GUCY1A2: variants seen among roughly 807,000 people sequenced by gnomAD.
The protein encoded by GUCY1A2 is guanylate cyclase soluble subunit alpha-2.
A neutral mutation model predicts 63.5 loss-of-function variants in GUCY1A2; 27 were observed. That is an observed-to-expected ratio of 0.43 (90% CI 0.31 to 0.59). The LOEUF is 0.59. Ranked by LOEUF, GUCY1A2 falls within the 20% of genes least tolerant of loss-of-function variation. GUCY1A2 has a pLI of 0.11. For missense variants in GUCY1A2, 768 were observed against 913.3 expected (o/e 0.84, Z 2.05); for synonymous variants, 364 against 343.5 (o/e 1.06, Z -0.66).
intron 6 of GUCY1A2, among the ~76,000 whole-genome samples, chr11:106,740,991 G>A (rs2135378764): frequency 6.6e-6 from 1 of 152,202 alleles, no homozygotes; most frequent in East Asian, 1.9e-4. Flanking sequence ...TGATATTATA[G>A]TTAGTCTAGC....
chr11:106,977,259 A>G (rs1347832480), intron 3 of GUCY1A2, among the ~76,000 whole-genome samples: 3 of 152,126 alleles, frequency 2.0e-5, no homozygotes, highest in Non-Finnish European at 4.4e-5. Flanking sequence ...CTGAAAGGAG[A>G]GTCCTTGAAA....
At chr11:106,906,189 A>G (rs1047106241) in intron 4 of GUCY1A2, among the ~76,000 whole-genome samples, 3 of 152,186 alleles carry the variant, frequency 2.0e-5, no homozygotes, top group African/African-American at 7.2e-5. Flanking sequence ...TTTGCAATCT[A>G]TCCATCTGAC....
intron 6 of GUCY1A2, among the ~76,000 whole-genome samples, chr11:106,768,193 G>T (rs1864195778): frequency 6.6e-6 from 1 of 152,078 alleles, no homozygotes; most frequent in Non-Finnish European, 1.5e-5. Context: ...ATGCTGTCCA[G>T]CACAGGCTGG....
intron 6 of GUCY1A2, among the ~76,000 whole-genome samples, chr11:106,741,652 A>G (rs1267825817): frequency 6.6e-6 from 1 of 152,216 alleles, no homozygotes; most frequent in Admixed American, 6.5e-5. Context: ...ATCCTGGAGA[A>G]AGCAAACGTA....
intron 6 of GUCY1A2, among the ~76,000 whole-genome samples, chr11:106,711,832 T>TTTTTA (rs1205414758): frequency 1.3e-5 from 2 of 152,156 alleles, no homozygotes; most frequent in Non-Finnish European, 2.9e-5. Context: ...TTTAAAGAGT[T>TTTTTA]TTTTACCCCC....
At position 106,682,148 on chromosome 11, in the gene GUCY1A2, G is replaced by A. The variant is rs550598419; in HGVS notation, c.*5401C>T. 9.5e-5 allele frequency: 20 copies of A among 210,484 alleles called. No individual in the cohort carries two copies. The highest frequency in any genetic ancestry group is 1.5e-3 in the Middle Eastern group (1 of 670). The allele number at this position is 210,484 out of a possible 1,614,324, so 13.0% of individuals were successfully genotyped here. ...AGTGTTGACGTCTGTCTCTAAGTTTGAAGATTCATGCTCAGAAAGAAGACC... is the reference window on the plus strand; with the variant it reads ...AGTGTTGACGTCTGTCTCTAAGTTTAAAGATTCATGCTCAGAAAGAAGACC... On this transcript the variant is annotated 3_prime_UTR_variant, in exon 8 of 8. Transcript: ENST00000526355.
chr11:106,674,737 A>T lies in GUCY1A2; in HGVS notation c.*12812T>A. The T allele has an allele frequency of 4.9e-6, 1 of 204,182 alleles. No individual in the cohort carries two copies. The highest frequency in any genetic ancestry group is 1.7e-3 in the Middle Eastern group (1 of 600). The allele number at this position is 204,182 out of a possible 1,614,324, so 12.6% of individuals were successfully genotyped here. A position where few individuals can be genotyped will look rare whatever the true frequency, so the allele number is the denominator to read the frequency against. ...CTAATAACAAAGGAGCAGATATACA[A>T]TATGATTTACATTGCAAACCAAACC... On this transcript the variant is annotated 3_prime_UTR_variant, in exon 8 of 8. Transcript: ENST00000526355.
At position 106,939,443 on chromosome 11, in the gene GUCY1A2, A is replaced by G. The variant is rs750146648; in HGVS notation, c.1206+17T>C. On this transcript the variant is annotated intron_variant, in intron 4 of 7. Coordinates refer to ENST00000526355, the MANE Select transcript of GUCY1A2 (RefSeq NM_000855.3). ...CTCTTCTAGTTCCCATCACCATCTC[A>G]AGTCCATAGCACTTACCTTGTCTTT... 7.8e-7 allele frequency: 1 copy of G among 1,280,648 alleles called. No individual in the cohort carries two copies. Among genetic ancestry groups the G allele is most frequent in the East Asian group, 2.3e-5 (1 of 42,874 alleles). 79.3% of individuals were successfully genotyped at this position (1,280,648 alleles called of 1,614,324 possible).
intron 7 of GUCY1A2, among the ~76,000 whole-genome samples, chr11:106,691,894 T>C (rs1216495414): frequency 4.6e-5 from 7 of 152,180 alleles, no homozygotes; most frequent in Admixed American, 4.6e-4. Context: ...ATAAGAACAC[T>C]GAAGTGCAAT....
At chr11:106,707,856 C>G (rs1591239116) in intron 7 of GUCY1A2, among the ~76,000 whole-genome samples, 1 of 152,004 alleles carries the variant, frequency 6.6e-6, no homozygotes, top group African/African-American at 2.4e-5. Context: ...TACTCTGTAC[C>G]TGGTATAGCA....
In GUCY1A2 at chr11:106,674,484, AAATAT is replaced by A. The variant is rs1309782105; in HGVS notation, c.*13060_*13064del. ...CTACTAGATAAAGAAAAATATTTTA[AAATAT>A]AATATGAAATACCAAATGAAACTTT... is the stretch of plus-strand genomic sequence containing the variant. On this transcript the variant is annotated 3_prime_UTR_variant, in exon 8 of 8. Transcript: ENST00000526355. The A allele has an allele frequency of 1.1e-5, 2 of 176,816 alleles. No individual in the cohort carries two copies. The highest frequency in any genetic ancestry group is 2.4e-5 in the African/African-American group (1 of 42,284). 11.0% of individuals were successfully genotyped at this position (176,816 alleles called of 1,614,324 possible).
intron 6 of GUCY1A2, among the ~76,000 whole-genome samples, chr11:106,771,510 G>T (rs573910378): frequency 6.6e-6 from 1 of 152,198 alleles, no homozygotes; most frequent in Non-Finnish European, 1.5e-5. Context: ...CATTTTGGGA[G>T]GCTGAGGCAG....
At chr11:106,947,251 T>C (rs763346484) in intron 3 of GUCY1A2, among the ~76,000 whole-genome samples, 9 of 150,886 alleles carry the variant, frequency 6.0e-5, no homozygotes, top group Non-Finnish European at 8.9e-5. Flanking sequence ...AAGAAATCTA[T>C]ACAACTATAA....
chr11:106,865,479 G>A (rs1229892942), intron 4 of GUCY1A2, among the ~76,000 whole-genome samples: 1 of 151,940 alleles, frequency 6.6e-6, no homozygotes, highest in African/African-American at 2.4e-5. Context: ...CATAAAAAAG[G>A]ATGAGTTCAT....
intron 4 of GUCY1A2, among the ~76,000 whole-genome samples, chr11:106,893,640 T>A (rs1860005384): frequency 6.6e-6 from 1 of 152,124 alleles, no homozygotes; most frequent in African/African-American, 2.4e-5. Flanking sequence ...AATTAGCAAC[T>A]CTTCTTAAAT....
intron 4 of GUCY1A2, among the ~76,000 whole-genome samples, chr11:106,937,533 A>G (rs542150417): frequency 6.6e-6 from 1 of 152,216 alleles, no homozygotes; most frequent in Non-Finnish European, 1.5e-5. Context: ...CTAAAGGCCA[A>G]AAATGCTTCA....
intron 1 of GUCY1A2, among the ~76,000 whole-genome samples, chr11:106,989,529 T>C (rs935614553): frequency 6.6e-6 from 1 of 152,160 alleles, no homozygotes; most frequent in Non-Finnish European, 1.5e-5. Context: ...ATGAGAGATA[T>C]GGCTATGCTA....
intron 4 of GUCY1A2, among the ~76,000 whole-genome samples, chr11:106,821,111 A>G (rs1187227607): frequency 1.3e-5 from 2 of 152,202 alleles, no homozygotes; most frequent in Non-Finnish European, 2.9e-5. Flanking sequence ...TTTAAATCAC[A>G]GCAGGATTCA....
chr11:106,910,741 T>C (rs1298838243), intron 4 of GUCY1A2, among the ~76,000 whole-genome samples: 1 of 152,086 alleles, frequency 6.6e-6, no homozygotes, highest in Non-Finnish European at 1.5e-5. Context: ...TACATCAGCC[T>C]TGGTCCCTTA....
Sources: allele counts gnomAD v4.1 joint callset (sites outside exome capture counted in the v4.1 genomes callset), GRCh38; gene constraint gnomAD v4.1.1; transcripts MANE v1.5; gene names NCBI Gene and HGNC (gene_info 2026-07-23, HGNC 2026-07-21).